SUMF1: variants seen among roughly 807,000 people sequenced by gnomAD.
SUMF1 encodes sulfatase modifying factor 1, also known as formylglycine-generating enzyme.
SUMF1 carries 48 observed loss-of-function variants against 47.6 expected under a neutral mutation model. The observed-to-expected ratio is 1.01, with a 90% CI of 0.80 to 1.28. SUMF1 has a LOEUF of 1.28. Among genes scored for constraint, SUMF1 ranks in the 50% most tolerant of loss-of-function variants. SUMF1 has a pLI of 0.00. For missense variants in SUMF1, 571 were observed against 485.4 expected (o/e 1.18, Z -1.66); for synonymous variants, 230 against 192.1 (o/e 1.20, Z -1.63).
intron 3 of SUMF1, among the ~76,000 whole-genome samples, chr3:4,425,082 T>A (rs931412417): frequency 6.6e-6 from 1 of 152,236 alleles, no homozygotes; most frequent in African/African-American, 2.4e-5. Context: ...GAGAGCAAAT[T>A]ATCTACTGTA....
At chr3:4,164,983 AG>A (rs910378967) in intron 8 of SUMF1, among the ~76,000 whole-genome samples, 12 of 151,992 alleles carry the variant, frequency 7.9e-5, no homozygotes, top group Non-Finnish European at 8.8e-5. Context: ...AATTCTCCTT[AG>A]TCCTTCTAGA....
Position 4,128,552 on chromosome 3 carries a change from A to C in SUMF1, c.1015-59807T>G, listed in dbSNP as rs564790156. Among the ~76,000 whole-genome samples, 5 of 152,220 alleles carry C rather than the reference A, an allele frequency of 3.3e-5. No homozygotes were observed. In the East Asian group the frequency reaches 9.7e-4, roughly 29 times the overall value. On this transcript the variant is annotated intron_variant and NMD_transcript_variant, in intron 8 of 12. Transcript: ENST00000448413. ...AGGCAGCTGCCAGGCAAGATAATGTACATTCTCCTCAGGAGCCATCCACAA... is the reference window on the plus strand; with the variant it reads ...AGGCAGCTGCCAGGCAAGATAATGTCCATTCTCCTCAGGAGCCATCCACAA...
intron 8 of SUMF1, among the ~76,000 whole-genome samples, chr3:4,324,950 G>A (rs1698911469): frequency 6.6e-6 from 1 of 152,058 alleles, no homozygotes; most frequent in South Asian, 2.1e-4. Flanking sequence ...AATTTCACTT[G>A]GCTGGGAAGG....
chr3:4,337,497 T>C (rs1023306720), intron 8 of SUMF1, among the ~76,000 whole-genome samples: 1 of 152,290 alleles, frequency 6.6e-6, no homozygotes, highest in African/African-American at 2.4e-5. Flanking sequence ...CTCCCGGATT[T>C]ATAAGGGCAG....
At chr3:4,297,361 C>T (rs1440913987) in intron 8 of SUMF1, among the ~76,000 whole-genome samples, 1 of 152,024 alleles carries the variant, frequency 6.6e-6, no homozygotes, top group Non-Finnish European at 1.5e-5. Context: ...TGAGAGGATC[C>T]AGTGCCTGTA....
intron 8 of SUMF1, among the ~76,000 whole-genome samples, chr3:4,235,482 A>G (rs1696387184): frequency 6.6e-6 from 1 of 152,122 alleles, no homozygotes; most frequent in Admixed American, 6.6e-5. Flanking sequence ...AATACAGCAT[A>G]GAAGAAAGCC....
At chr3:4,440,966 T>C (rs756977778) in intron 3 of SUMF1, among the ~76,000 whole-genome samples, 4 of 150,770 alleles carry the variant, frequency 2.7e-5, no homozygotes, top group Non-Finnish European at 5.9e-5. Context: ...ATACTGGAAG[T>C]ATATCTTAAA....
chr3:4,131,057 T>C (rs1693776827), intron 8 of SUMF1, among the ~76,000 whole-genome samples: 1 of 152,138 alleles, frequency 6.6e-6, no homozygotes, highest in Non-Finnish European at 1.5e-5. Flanking sequence ...ACTCTCCTTT[T>C]GAGAGACAGC....
At chr3:4,141,656 C>G (rs1475382897) in intron 8 of SUMF1, among the ~76,000 whole-genome samples, 1 of 152,004 alleles carries the variant, frequency 6.6e-6, no homozygotes, top group Non-Finnish European at 1.5e-5. Context: ...GAGCAAGATC[C>G]TGCTTCAAAG....
intron 8 of SUMF1, among the ~76,000 whole-genome samples, chr3:4,297,199 A>G (rs996702227): frequency 4.1e-5 from 6 of 145,588 alleles, no homozygotes; most frequent in Non-Finnish European, 9.2e-5. Context: ...TAATATAAAC[A>G]TAACTGTCTG....
chr3:4,225,814 T>C (rs1696159395), intron 8 of SUMF1, among the ~76,000 whole-genome samples: 1 of 152,092 alleles, frequency 6.6e-6, no homozygotes, highest in African/African-American at 2.4e-5. Context: ...TACCTTCAGT[T>C]TATCCCACTT....
Position 4,154,647 on chromosome 3 carries a change from T to C in SUMF1, c.1015-85902A>G, listed in dbSNP as rs577170628. Among the ~76,000 whole-genome samples the C allele has an allele frequency of 1.1e-4, 17 of 151,750 alleles. 1 individual carries two copies. In the South Asian group the frequency reaches 3.5e-3, roughly 31 times the overall value. On this transcript the variant is annotated intron_variant and NMD_transcript_variant, in intron 8 of 12. Coordinates refer to the SUMF1 transcript ENST00000448413. ...TCTGTCCCCCAAACCTGGGCTCTTT[T>C]GAGGCATCCACACTGCCTCATTCAT...
intron 8 of SUMF1, among the ~76,000 whole-genome samples, chr3:4,287,246 C>T (rs1697650580): frequency 6.6e-6 from 1 of 151,974 alleles, no homozygotes; most frequent in Non-Finnish European, 1.5e-5. Flanking sequence ...TAAAGGGAAC[C>T]TGAGACCAAA....
intron 8 of SUMF1, among the ~76,000 whole-genome samples, chr3:4,083,483 C>T (rs1225889881): frequency 6.6e-6 from 1 of 152,122 alleles, no homozygotes; most frequent in East Asian, 1.9e-4. Flanking sequence ...GGCTGCACCC[C>T]AGCGTGACTA....
chr3:4,034,641 G>A (rs530150472), intron 9 of SUMF1, among the ~76,000 whole-genome samples: 17 of 152,108 alleles, frequency 1.1e-4, no homozygotes, highest in Non-Finnish European at 2.2e-4. Flanking sequence ...TGGGTATCCA[G>A]AGGTAAGTCA....
chr3:4,245,972 GC>G (rs1559607685), intron 8 of SUMF1, among the ~76,000 whole-genome samples: 1 of 152,194 alleles, frequency 6.6e-6, no homozygotes, highest in African/African-American at 2.4e-5. Flanking sequence ...AATCGTGGAT[GC>G]CCCTTTCCCT....
At chr3:4,354,501 G>C (rs1488884265) in intron 8 of SUMF1, among the ~76,000 whole-genome samples, 1 of 152,214 alleles carries the variant, frequency 6.6e-6, no homozygotes, top group East Asian at 1.9e-4. Context: ...TCACAATATA[G>C]GTAGCGATAA....
chr3:4,313,469 A>G, intron 8 of SUMF1: 1 of 1,614,028 alleles, frequency 6.2e-7, no homozygotes, highest in Non-Finnish European at 8.5e-7. Context: ...ATGGTACCTA[A>G]GTTGGCACTT....
intron 9 of SUMF1, among the ~76,000 whole-genome samples, chr3:4,052,696 A>G (rs1695134079): frequency 6.6e-6 from 1 of 152,276 alleles, no homozygotes; most frequent in Non-Finnish European, 1.5e-5. Flanking sequence ...TTCTCGTGAT[A>G]CCCTCAAGAG....
Sources: allele counts gnomAD v4.1 joint callset (sites outside exome capture counted in the v4.1 genomes callset), GRCh38; gene constraint gnomAD v4.1.1; transcripts MANE v1.5; gene names NCBI Gene and HGNC (gene_info 2026-07-23, HGNC 2026-07-21).